Variants in CNTN5 observed in about 807,000 individuals in gnomAD.
The protein encoded by CNTN5 is contactin 5.
A neutral mutation model predicts 129.1 loss-of-function variants in CNTN5; 77 were observed. That is an observed-to-expected ratio of 0.60 (90% CI 0.50 to 0.72). The LOEUF (loss-of-function observed/expected upper bound fraction) is 0.72. Ranked by LOEUF, CNTN5 falls within the 30% of genes least tolerant of loss-of-function variation. The probability of loss-of-function intolerance (pLI) is 0.00; values close to 1 mark genes in which losing one functional copy is unlikely to be tolerated. For synonymous variants in CNTN5, 509 were observed against 465.6 expected (o/e 1.09, Z -1.20); for missense variants, 1,478 against 1,328.8 (o/e 1.11, Z -1.75).
chr11:99,992,546 T>C (rs1195351809), intron 8 of CNTN5, among the ~76,000 whole-genome samples: 2 of 152,266 alleles, frequency 1.3e-5, no homozygotes, highest in Admixed American at 6.5e-5. Flanking sequence ...TAAAATCTGC[T>C]AAGGAAACTA....
At chr11:99,521,029 C>G (rs925154961) in intron 2 of CNTN5, among the ~76,000 whole-genome samples, 50 of 152,148 alleles carry the variant, frequency 3.3e-4, no homozygotes, top group African/African-American at 1.2e-3. Context: ...TCATCACAAC[C>G]AAAGATTATA....
At chr11:99,523,394 A>C (rs1947341845) in intron 2 of CNTN5, among the ~76,000 whole-genome samples, 1 of 152,116 alleles carries the variant, frequency 6.6e-6, no homozygotes, top group South Asian at 2.1e-4. Flanking sequence ...TAGGACTTCC[A>C]GACCAGCCTA....
rs192008550 is a variant in CNTN5 at position 99,476,869 on chromosome 11, T to C, written c.-70-79276T>C. Reference sequence around the variant, plus strand: ...CCAACAAGTGAATGGCTAATTACAATCCGAACTTTTATTGAGTTTCTATTG... The same window carrying C: ...CCAACAAGTGAATGGCTAATTACAACCCGAACTTTTATTGAGTTTCTATTG... On this transcript the variant is annotated intron_variant, in intron 2 of 24. Coordinates refer to ENST00000524871, the MANE Select transcript of CNTN5 (RefSeq NM_014361.4). Among the ~76,000 whole-genome samples, 10 of 152,216 alleles carry C rather than the reference T, an allele frequency of 6.6e-5. No homozygotes were observed. The East Asian group carries it at 1.9e-3, about 29-fold the overall frequency.
chr11:99,909,560 G>C (rs929505733), intron 6 of CNTN5, among the ~76,000 whole-genome samples: 11 of 152,006 alleles, frequency 7.2e-5, no homozygotes, highest in African/African-American at 1.2e-4. Context: ...TTGGAACCAA[G>C]CCAAATGTCC....
chr11:100,279,114 T>C (rs534206337), intron 18 of CNTN5, among the ~76,000 whole-genome samples: 3 of 152,188 alleles, frequency 2.0e-5, no homozygotes, highest in Non-Finnish European at 4.4e-5. Context: ...TTGACTTATT[T>C]GTGTATGTTG....
intron 2 of CNTN5, among the ~76,000 whole-genome samples, chr11:99,385,838 A>G (rs1483700387): frequency 6.6e-6 from 1 of 152,126 alleles, no homozygotes. Flanking sequence ...TATGGATTGT[A>G]TATATGGAAT....
At chr11:99,901,556 G>A (rs1239873385) in intron 6 of CNTN5, among the ~76,000 whole-genome samples, 1 of 152,094 alleles carries the variant, frequency 6.6e-6, no homozygotes, top group Admixed American at 6.6e-5. Flanking sequence ...GCCTCCCAAA[G>A]TGCTGTGATT....
intron 9 of CNTN5, among the ~76,000 whole-genome samples, chr11:100,041,083 T>A (rs1281175769): frequency 6.6e-6 from 1 of 152,186 alleles, no homozygotes; most frequent in Non-Finnish European, 1.5e-5. Context: ...CTAGGAGCTG[T>A]AGACTGGAGC....
intron 1 of CNTN5, among the ~76,000 whole-genome samples, chr11:99,136,498 C>A (rs79036743): frequency 6.6e-6 from 1 of 152,120 alleles, no homozygotes; most frequent in African/African-American, 2.4e-5. Context: ...TTTAATATGT[C>A]TTTGCTTCTT....
At chr11:99,214,858 C>T (rs1243916493) in intron 1 of CNTN5, among the ~76,000 whole-genome samples, 1 of 152,076 alleles carries the variant, frequency 6.6e-6, no homozygotes, top group Non-Finnish European at 1.5e-5. Flanking sequence ...CTTAAATTCT[C>T]TCCACAATAT....
rs1000153442 is a variant in CNTN5 at position 99,670,175 on chromosome 11, A to G, written c.55+113906A>G. Among the ~76,000 whole-genome samples the G allele has an allele frequency of 2.6e-5, 4 of 152,172 alleles. No individual in the cohort carries two copies. The East Asian group carries it at 5.8e-4, about 22-fold the overall frequency. ...TCCCCACTATTTATGTATTAAATTA[A>G]TAGGAAGTATTCTTAGGTTATGAAG... is the stretch of plus-strand genomic sequence containing the variant. On this transcript the variant is annotated intron_variant, in intron 3 of 24. Coordinates refer to ENST00000524871, the MANE Select transcript of CNTN5 (RefSeq NM_014361.4).
At chr11:99,879,391 A>C (rs1466203998) in intron 6 of CNTN5, among the ~76,000 whole-genome samples, 2 of 152,184 alleles carry the variant, frequency 1.3e-5, no homozygotes, top group African/African-American at 4.8e-5. Context: ...ATTTTTTCTT[A>C]GTTACTGATG....
In CNTN5 at chr11:99,250,249, C is replaced by A. The variant is rs749653600; in HGVS notation, c.-209-75097C>A. On this transcript the variant is annotated intron_variant, in intron 1 of 24. Transcript: ENST00000524871. ...ACTTACTTCAGCACTGCCTGCATGACAAGCCTATTGCACTTAACAGAGATC... is the reference window on the plus strand; with the variant it reads ...ACTTACTTCAGCACTGCCTGCATGAAAAGCCTATTGCACTTAACAGAGATC... Among the ~76,000 whole-genome samples, 4 of 152,122 alleles carry A rather than the reference C, an allele frequency of 2.6e-5. No individual in the cohort carries two copies. The South Asian group carries it at 8.3e-4, about 32-fold the overall frequency.
intron 1 of CNTN5, among the ~76,000 whole-genome samples, chr11:99,265,996 A>G (rs930605211): frequency 1.8e-4 from 27 of 152,106 alleles, no homozygotes; most frequent in Admixed American, 3.9e-4. Context: ...TTATTCTATG[A>G]TACAAATGTA....
At chr11:100,103,615 G>A (rs1020323194) in intron 13 of CNTN5, among the ~76,000 whole-genome samples, 1 of 152,126 alleles carries the variant, frequency 6.6e-6, no homozygotes, top group Non-Finnish European at 1.5e-5. Context: ...TGTGTCAGCT[G>A]TGAACCCATT....
intron 3 of CNTN5, among the ~76,000 whole-genome samples, chr11:99,694,794 G>T (rs929387105): frequency 6.6e-6 from 1 of 151,816 alleles, no homozygotes; most frequent in Non-Finnish European, 1.5e-5. Flanking sequence ...TGTTCCTGAG[G>T]TACCACTTTG....
At chr11:99,932,594 T>C (rs1213445264) in intron 7 of CNTN5, among the ~76,000 whole-genome samples, 1 of 152,188 alleles carries the variant, frequency 6.6e-6, no homozygotes, top group Non-Finnish European at 1.5e-5. Context: ...TTGTCACTTA[T>C]CAGCAATGTG....
chr11:99,118,443 C>T (rs1429761948), intron 1 of CNTN5, among the ~76,000 whole-genome samples: 1 of 152,012 alleles, frequency 6.6e-6, no homozygotes, highest in Non-Finnish European at 1.5e-5. Flanking sequence ...GAGAGTGAAT[C>T]AGCAATGTAG....
At chr11:99,670,298 T>C (rs1026609636) in intron 3 of CNTN5, among the ~76,000 whole-genome samples, 5 of 152,292 alleles carry the variant, frequency 3.3e-5, no homozygotes, top group Admixed American at 2.0e-4. Context: ...TTTTAATTTA[T>C]ATTAGGCTAT....
Sources: allele counts gnomAD v4.1 joint callset (sites outside exome capture counted in the v4.1 genomes callset), GRCh38; gene constraint gnomAD v4.1.1; transcripts MANE v1.5; gene names NCBI Gene and HGNC (gene_info 2026-07-23, HGNC 2026-07-21).